The following ELF2 variants were observed in gnomAD, a reference collection of about 807,000 sequenced individuals.
ELF2 encodes ETS-related transcription factor Elf-2.
Under a neutral mutation model 54.8 loss-of-function variants are expected in ELF2, and 11 were observed. The ratio of observed to expected loss-of-function variants is 0.20; its 90% CI spans 0.13 to 0.33. ELF2 has a LOEUF of 0.33. Ranked by LOEUF, ELF2 falls within the 10% of genes least tolerant of loss-of-function variation. The pLI is 1.00. For synonymous variants in ELF2, 203 were observed against 245.1 expected, an observed-to-expected ratio of 0.83 and a Z score of 1.61; for missense variants, 513 against 703.0, an observed-to-expected ratio of 0.73 and a Z score of 3.06.
At chr4:139,144,783 T>G (rs957127715) in intron 1 of ELF2, among the ~76,000 whole-genome samples, 6 of 152,172 alleles carry the variant, frequency 3.9e-5, no homozygotes, top group African/African-American at 1.4e-4. Flanking sequence ...CCTGGAACAT[T>G]ACCCCAGTGG....
intron 1 of ELF2, among the ~76,000 whole-genome samples, chr4:139,163,502 G>A (rs1741379180): frequency 6.6e-6 from 1 of 152,074 alleles, no homozygotes; most frequent in Non-Finnish European, 1.5e-5. Context: ...GTGTCCTAAA[G>A]TAAAATGACA....
chr4:139,176,564 G>A (rs1227241865), intron 1 of ELF2, among the ~76,000 whole-genome samples: 1 of 151,900 alleles, frequency 6.6e-6, no homozygotes, highest in East Asian at 1.9e-4. Flanking sequence ...CGCGGGATGA[G>A]GCGGGTCAGT....
intron 4 of ELF2, among the ~76,000 whole-genome samples, chr4:139,108,605 A>T (rs940969793): frequency 6.1e-5 from 9 of 146,984 alleles, no homozygotes; most frequent in African/African-American, 2.2e-4. Flanking sequence ...TCATATTCTA[A>T]AAAAAAAAAA....
intron 1 of ELF2, among the ~76,000 whole-genome samples, chr4:139,150,875 ATT>A (rs1341726649): frequency 1.3e-5 from 2 of 151,808 alleles, no homozygotes; most frequent in African/African-American, 4.8e-5. Flanking sequence ...ACACAAAAAA[ATT>A]AGCCGGGCTT....
chr4:139,059,221 T>G lies in ELF2; in HGVS notation c.1544A>C (p.Gln515Pro), dbSNP rs1363263003. The change falls in exon 10 of 10, where the codon CAG becomes CCG. Residue 515 changes from glutamine to proline, a missense_variant. Gln to Pro is a moderately conservative substitution (Grantham distance 76). Transcript: ENST00000686138. Reference protein sequence around the residue: ...TPVMRLSMPTQQASGQTPPRV... With the variant: ...TPVMRLSMPTPQASGQTPPRV... Reference sequence around the variant, plus strand: ...AGGAGGAGTCTGGCCAGATGCCTGCTGAGTAGGCATTGATAGTCTCATTAC... The same window carrying G: ...AGGAGGAGTCTGGCCAGATGCCTGCGGAGTAGGCATTGATAGTCTCATTAC... 1.2e-6 allele frequency: 2 copies of G among 1,613,974 alleles called. No individual in the cohort carries two copies. Among genetic ancestry groups the G allele is most frequent in the African/African-American group, 2.7e-5 (2 of 75,046 alleles).
intron 4 of ELF2, among the ~76,000 whole-genome samples, chr4:139,112,072 AACAGAT>A (rs1735003738): frequency 1.3e-5 from 2 of 152,254 alleles, no homozygotes; most frequent in Non-Finnish European, 2.9e-5. Context: ...TGATCCAAGA[AACAGAT>A]ACAAAGCTTT....
At chr4:139,141,766 G>C (rs1738723336) in intron 1 of ELF2, among the ~76,000 whole-genome samples, 1 of 152,024 alleles carries the variant, frequency 6.6e-6, no homozygotes. Flanking sequence ...CTTACAGGCG[G>C]GTGTTTCCAG....
intron 3 of ELF2, among the ~76,000 whole-genome samples, chr4:139,132,883 A>C (rs1428011408): frequency 2.2e-5 from 3 of 136,348 alleles, no homozygotes; most frequent in Admixed American, 2.2e-4. Context: ...TAAAATATGT[A>C]ATTTTTTTTT....
At chr4:139,132,533 A>T (rs1737601322) in intron 3 of ELF2, among the ~76,000 whole-genome samples, 1 of 152,050 alleles carries the variant, frequency 6.6e-6, no homozygotes, top group South Asian at 2.1e-4. Context: ...CTTTTCTCAA[A>T]TTTTACATTG....
At chr4:139,161,679 ACT>A (rs1383202511) in intron 1 of ELF2, among the ~76,000 whole-genome samples, 3 of 148,756 alleles carry the variant, frequency 2.0e-5, no homozygotes, top group Admixed American at 6.7e-5. Flanking sequence ...AAAAAAAAAA[ACT>A]CTGAGTAGGC....
chr4:139,166,719 T>C (rs572223685), intron 1 of ELF2, among the ~76,000 whole-genome samples: 2 of 151,760 alleles, frequency 1.3e-5, no homozygotes, highest in East Asian at 3.9e-4. Context: ...ATACAAAAAA[T>C]TAGCTGGGCG....
At chr4:139,114,786 G>C (rs1735435733) in intron 4 of ELF2, 1 of 1,453,810 alleles carries the variant, frequency 6.9e-7, no homozygotes, top group African/African-American at 1.4e-5. Context: ...GGGGGCAGGG[G>C]AAGAGACCCC....
At chr4:139,113,937 T>G (rs1735255102) in intron 4 of ELF2, among the ~76,000 whole-genome samples, 1 of 152,198 alleles carries the variant, frequency 6.6e-6, no homozygotes, top group Non-Finnish European at 1.5e-5. Flanking sequence ...TCTTTGCTTT[T>G]GGCCACTATT....
intron 2 of ELF2, among the ~76,000 whole-genome samples, chr4:139,139,091 T>C (rs1738460843): frequency 6.6e-6 from 1 of 152,186 alleles, no homozygotes. Flanking sequence ...AGAGAAAGTA[T>C]ATAGTTCCCA....
At chr4:139,074,615 C>T (rs1730011484) in intron 4 of ELF2, among the ~76,000 whole-genome samples, 1 of 151,756 alleles carries the variant, frequency 6.6e-6, no homozygotes, top group Non-Finnish European at 1.5e-5. Context: ...TAAAAATTAG[C>T]CGGGCGTGGT....
chr4:139,089,538 A>G (rs1732363847), intron 4 of ELF2, among the ~76,000 whole-genome samples: 1 of 152,186 alleles, frequency 6.6e-6, no homozygotes, highest in Non-Finnish European at 1.5e-5. Flanking sequence ...ATATATTTAC[A>G]TACGTATGTG....
At chr4:139,113,688 C>G (rs1269826474) in intron 4 of ELF2, among the ~76,000 whole-genome samples, 2 of 151,948 alleles carry the variant, frequency 1.3e-5, no homozygotes, top group East Asian at 1.9e-4. Context: ...AAGCCCGTCT[C>G]TACTAAAAAT....
Position 139,071,996 on chromosome 4 carries a change from G to A in ELF2, c.396C>T (p.Ile132=). ...VPPCVSTPEF[I]HAAMRPDVIT... is the part of the protein sequence containing the mutation. Reference sequence around the variant, plus strand: ...TGACATCTGGCCTCATAGCAGCATGGATGAATTCTGGAGTTGATACACAAG... The same window carrying A: ...TGACATCTGGCCTCATAGCAGCATGAATGAATTCTGGAGTTGATACACAAG... Residue 132 remains isoleucine, a synonymous_variant, in exon 6 of 10, where the codon ATC becomes ATT. Transcript: ENST00000686138. 1 of 1,612,412 alleles carries A rather than the reference G, an allele frequency of 6.2e-7. No homozygotes were observed. The highest frequency in any genetic ancestry group is 2.2e-5 in the East Asian group (1 of 44,842).
At chr4:139,176,831 CTCCGCAAACCCCGAA>C (rs956835928) in intron 1 of ELF2, 121 bp downstream of exon 1, 2 of 152,314 alleles carry the variant, frequency 1.3e-5, no homozygotes, top group African/African-American at 4.8e-5. Flanking sequence ...CGGAAAACCC[CTCCGCAAACCCCGAA>C]GCAAACAACA....
Sources: gnomAD v4.1 joint callset for allele counts (sites outside exome capture counted in the v4.1 genomes callset) on GRCh38, gnomAD v4.1.1 for gene constraint, MANE v1.5 for transcripts, NCBI Gene and HGNC (gene_info 2026-07-23, HGNC 2026-07-21) for gene names.